The following PBX1 variants were observed in gnomAD, a reference collection of about 807,000 sequenced individuals.
The protein encoded by PBX1 is pre-B-cell leukemia transcription factor 1.
A neutral mutation model predicts 53.4 loss-of-function variants in PBX1; 6 were observed. That is an observed-to-expected ratio of 0.11 (90% CI 0.06 to 0.22). PBX1 has a LOEUF of 0.22. Among genes scored for constraint, PBX1 ranks in the 10% least tolerant of loss-of-function variants. The pLI, the probability that PBX1 is intolerant of heterozygous loss-of-function variation, is 1.00. For missense variants in PBX1, 251 were observed against 551.4 expected, an observed-to-expected ratio of 0.46 and a Z score of 5.46; for synonymous variants, 204 against 212.3, an observed-to-expected ratio of 0.96 and a Z score of 0.34.
At chr1:164,561,306 A>T (rs1473410085) in intron 1 of PBX1, among the ~76,000 whole-genome samples, 3 of 152,332 alleles carry the variant, frequency 2.0e-5, no homozygotes, top group East Asian at 1.9e-4. Context: ...AAAAACATAG[A>T]TGTTATGAAT....
At chr1:164,576,273 AATTAG>A (rs560456778) in intron 2 of PBX1, among the ~76,000 whole-genome samples, 59 of 152,242 alleles carry the variant, frequency 3.9e-4, no homozygotes, top group Middle Eastern at 3.4e-3. Flanking sequence ...GACGCTGCAC[AATTAG>A]ATTAGAGGAG....
At chr1:164,767,495 T>A (rs1667121482) in intron 2 of PBX1, among the ~76,000 whole-genome samples, 1 of 152,142 alleles carries the variant, frequency 6.6e-6, no homozygotes, top group South Asian at 2.1e-4. Flanking sequence ...GGATTGGATA[T>A]GGCTTTCTGC....
In PBX1 at chr1:164,579,523, A is replaced by T. The variant is rs1222319845; in HGVS notation, c.265+16212A>T. Among the ~76,000 whole-genome samples, 54 of 152,162 alleles carry T rather than the reference A, an allele frequency of 3.5e-4. 1 individual carries two copies. The highest frequency in any genetic ancestry group is 8.8e-5 in the Non-Finnish European group (6 of 68,030). On this transcript the variant is annotated intron_variant, in intron 2 of 8. Coordinates refer to ENST00000420696, the MANE Select transcript of PBX1 (RefSeq NM_002585.4). ...AATAGCTGCCTGTCTCTTTGGATCA[A>T]ACTGGTCTAGGAGCTTGTTCAGCCC...
chr1:164,749,512 A>G (rs1012583363), intron 2 of PBX1, among the ~76,000 whole-genome samples: 2 of 152,216 alleles, frequency 1.3e-5, no homozygotes, highest in Non-Finnish European at 2.9e-5. Flanking sequence ...CATCAGCAAT[A>G]TAATAGTGAA....
At chr1:164,719,190 G>T (rs1664272068) in intron 2 of PBX1, among the ~76,000 whole-genome samples, 1 of 152,210 alleles carries the variant, frequency 6.6e-6, no homozygotes, top group Non-Finnish European at 1.5e-5. Flanking sequence ...TGTCCCAGGA[G>T]CAAGCAACTC....
At chr1:164,875,617 T>G (rs1322529802) in intron 2 of PBX1, among the ~76,000 whole-genome samples, 1 of 152,156 alleles carries the variant, frequency 6.6e-6, no homozygotes, top group Non-Finnish European at 1.5e-5. Flanking sequence ...ACCCTTTAGA[T>G]GAGTCCCACC....
intron 2 of PBX1, chr1:164,680,478 A>C (rs1661693932): frequency 6.6e-6 from 1 of 152,192 alleles, no homozygotes; most frequent in African/African-American, 2.4e-5. Context: ...GTACAGATAA[A>C]GCGATCTGAT....
intron 2 of PBX1, among the ~76,000 whole-genome samples, chr1:164,620,146 A>T (rs796467648): frequency 2.6e-5 from 4 of 152,312 alleles, no homozygotes; most frequent in African/African-American, 9.6e-5. Flanking sequence ...GTGAGCCATG[A>T]TTGGACCTGG....
At chr1:164,730,913 CTA>C (rs1664944124) in intron 2 of PBX1, among the ~76,000 whole-genome samples, 1 of 152,190 alleles carries the variant, frequency 6.6e-6, no homozygotes, top group South Asian at 2.1e-4. Context: ...ATTTTTATCA[CTA>C]TATTTTACTG....
Position 164,798,900 on chromosome 1 carries a change from T to C in PBX1, c.511-799T>C, listed in dbSNP as rs548857273. Among the ~76,000 whole-genome samples, 15 of 152,294 alleles carry C rather than the reference T, an allele frequency of 9.8e-5. No homozygotes were observed. In the East Asian group the frequency reaches 2.7e-3, roughly 27 times the overall value. On this transcript the variant is annotated intron_variant, in intron 3 of 8. Coordinates refer to ENST00000420696, the MANE Select transcript of PBX1 (RefSeq NM_002585.4). ...GAAACAGAAATAGGTGGATGAGAAATCTCCCAGAAGAGTTATCAAAGCTTT... is the reference window on the plus strand; with the variant it reads ...GAAACAGAAATAGGTGGATGAGAAACCTCCCAGAAGAGTTATCAAAGCTTT...
intron 2 of PBX1, among the ~76,000 whole-genome samples, chr1:164,673,640 T>C (rs1661243532): frequency 6.6e-6 from 1 of 151,898 alleles, no homozygotes; most frequent in Non-Finnish European, 1.5e-5. Context: ...CTGGCGAAAG[T>C]TACTAACATT....
intron 2 of PBX1, among the ~76,000 whole-genome samples, chr1:164,724,632 T>C (rs1000328473): frequency 6.7e-6 from 1 of 148,850 alleles, no homozygotes; most frequent in Non-Finnish European, 1.5e-5. Flanking sequence ...GTCTAATATC[T>C]TATTTTTCTT....
At chr1:164,567,378 C>T (rs1462126804) in intron 2 of PBX1, among the ~76,000 whole-genome samples, 3 of 151,602 alleles carry the variant, frequency 2.0e-5, no homozygotes, top group Non-Finnish European at 4.4e-5. Flanking sequence ...AGAAGGTCAT[C>T]GATAGCCAGC....
chr1:164,731,558 GGA>G (rs1420837011), intron 2 of PBX1, among the ~76,000 whole-genome samples: 2 of 152,114 alleles, frequency 1.3e-5, no homozygotes, highest in Admixed American at 1.3e-4. Context: ...AGGGTTACTG[GGA>G]AATGCAAACA....
intron 2 of PBX1, among the ~76,000 whole-genome samples, chr1:164,640,556 G>GTTT (rs1272033438): frequency 1.6e-4 from 5 of 30,672 alleles, no homozygotes; most frequent in Non-Finnish European, 3.4e-4. Context: ...TTTTTTTTTT[G>GTTT]TGTTTTTTTT....
At chr1:164,884,672 G>A in intron 2 of PBX1, 1 of 346,944 alleles carries the variant, frequency 2.9e-6, no homozygotes, top group Non-Finnish European at 5.6e-6. Flanking sequence ...ACTGACTTTT[G>A]AAGAAGCAAA....
intron 2 of PBX1, among the ~76,000 whole-genome samples, chr1:164,644,501 A>G (rs1007322304): frequency 4.6e-5 from 7 of 152,182 alleles, no homozygotes; most frequent in African/African-American, 1.7e-4. Flanking sequence ...ACCCTGAGCT[A>G]AGAGGTGGTC....
chr1:164,880,979 C>CG (rs1196136308), intron 2 of PBX1, among the ~76,000 whole-genome samples: 1 of 152,218 alleles, frequency 6.6e-6, no homozygotes, highest in Non-Finnish European at 1.5e-5. Flanking sequence ...TGACTAGGAG[C>CG]GGGACCTAGT....
At chr1:164,650,766 A>G (rs1659757168) in intron 2 of PBX1, among the ~76,000 whole-genome samples, 1 of 152,052 alleles carries the variant, frequency 6.6e-6, no homozygotes. Context: ...TCTGCCGTCT[A>G]GTACATGCTG....
Sources: allele counts gnomAD v4.1 joint callset (sites outside exome capture counted in the v4.1 genomes callset), GRCh38; gene constraint gnomAD v4.1.1; transcripts MANE v1.5; gene names NCBI Gene and HGNC (gene_info 2026-07-23, HGNC 2026-07-21).